Variants in MLLT6 observed in about 807,000 individuals in gnomAD.
MLLT6 encodes the protein MLLT6, PHD finger containing.
Under a neutral mutation model 103.0 loss-of-function variants are expected in MLLT6, and 22 were observed. The ratio of observed to expected loss-of-function variants is 0.21; its 90% confidence interval spans 0.15 to 0.31. The LOEUF (loss-of-function observed/expected upper bound fraction) is 0.31. Among genes scored for constraint, MLLT6 ranks in the 10% least tolerant of loss-of-function variants. The probability of loss-of-function intolerance (pLI) is 1.00; values close to 1 mark genes in which losing one functional copy is unlikely to be tolerated. For synonymous variants in MLLT6, 606 were observed against 623.5 expected (o/e 0.97, Z 0.42); for missense variants, 1,199 against 1,441.7 (o/e 0.83, Z 2.73).
At chr17:38,712,867 G>A in intron 8 of MLLT6, 78 bp downstream of exon 8, 2 of 1,053,166 alleles carry the variant, frequency 1.9e-6, no homozygotes, top group Admixed American at 3.5e-5. Context: ...CGAGAGGTTG[G>A]TGAGTCAGGG....
rs1373418940 is a variant in MLLT6 at position 38,716,319 on chromosome 17, G to C, written c.1037-48G>C. The C allele has an allele frequency of 1.9e-6, 3 of 1,569,506 alleles. No individual in the cohort carries two copies. Among genetic ancestry groups the C allele is most frequent in the African/African-American group, 1.4e-5 (1 of 72,320 alleles). ...CCAGTACACGCGGGAGTGGGAGGGA[G>C]TGCGGGGATCTGGGGTCCAGCTGTA... is the stretch of plus-strand genomic sequence containing the variant. On this transcript the variant is annotated intron_variant, in intron 9 of 19. Transcript: ENST00000621332. This position sits in a 1 kb window ranked among gnomAD's most constrained non-coding sequence, Gnocchi z 5.6.
chr17:38,717,836 C>T lies in MLLT6; in HGVS notation c.1834-9C>T, dbSNP rs936781873. 1.2e-6 allele frequency: 2 copies of T among 1,601,978 alleles called. No individual in the cohort carries two copies. Among genetic ancestry groups the T allele is most frequent in the Non-Finnish European group, 1.7e-6 (2 of 1,169,280 alleles). Reference sequence around the variant, plus strand: ...ATAACCGCCAGGGGATTCTACCTCCCTCCCTTAGGTGTTTTCTCTGGCTGG... The same window carrying T: ...ATAACCGCCAGGGGATTCTACCTCCTTCCCTTAGGTGTTTTCTCTGGCTGG... On this transcript the variant is annotated splice_polypyrimidine_tract_variant and intron_variant, in intron 11 of 19. Coordinates refer to ENST00000621332, the MANE Select transcript of MLLT6 (RefSeq NM_005937.4).
chr17:38,725,521 T>G, intron 19 of MLLT6, 36 bp from the exon 20 acceptor site: 1 of 1,602,874 alleles, frequency 6.2e-7, no homozygotes. Flanking sequence ...GACCTGACAC[T>G]TTCCACACCC....
chr17:38,725,234 G>A, intron 19 of MLLT6: 1 of 531,058 alleles, frequency 1.9e-6, no homozygotes, highest in Non-Finnish European at 3.3e-6. Context: ...GGACCAATTA[G>A]AAAAAGCCAT....
At position 38,728,416 on chromosome 17, in the gene MLLT6, G is replaced by C. The variant is rs758376995; in HGVS notation, c.*2818G>C. On this transcript the variant is annotated 3_prime_UTR_variant, in exon 20 of 20. Coordinates refer to ENST00000621332, the MANE Select transcript of MLLT6 (RefSeq NM_005937.4). ...AGGGGAAGGATGTGGTTTGCAGAGC[G>C]GAAGCAGAGTTTGGAAACGCATGAG... 1 of 233,294 alleles carries C rather than the reference G, an allele frequency of 4.3e-6. No homozygotes were observed. Among genetic ancestry groups the C allele is most frequent in the African/African-American group, 2.2e-5 (1 of 45,352 alleles). 14.5% of individuals were successfully genotyped at this position (233,294 alleles called of 1,614,324 possible).
chr17:38,725,483 T>G (rs932910741), intron 19 of MLLT6, 74 bp from the exon 20 acceptor site: 2 of 1,390,040 alleles, frequency 1.4e-6, no homozygotes, highest in East Asian at 4.8e-5. Flanking sequence ...TTTCTTGGCC[T>G]AGGAAGCTGT....
chr17:38,709,110 C>G lies in MLLT6; in HGVS notation c.355-63C>G. ...GAGCAAATGGAATGGAGGGGGTGGCCTAAGGACCATCAGTAGAACAGGGGC... is the reference window on the plus strand; with the variant it reads ...GAGCAAATGGAATGGAGGGGGTGGCGTAAGGACCATCAGTAGAACAGGGGC... On this transcript the variant is annotated intron_variant, in intron 4 of 19. Coordinates refer to ENST00000621332, the MANE Select transcript of MLLT6 (RefSeq NM_005937.4). The surrounding 1 kb of genome is among the most constrained non-coding windows in gnomAD (Gnocchi z 4.3). The G allele has an allele frequency of 2.4e-6, 3 of 1,272,182 alleles. No individual in the cohort carries two copies. The highest frequency in any genetic ancestry group is 3.4e-6 in the Non-Finnish European group (3 of 889,884). The allele number at this position is 1,272,182 out of a possible 1,614,324, so 78.8% of individuals were successfully genotyped here. A position where few individuals can be genotyped will look rare whatever the true frequency, so the allele number is the denominator to read the frequency against.
Position 38,716,662 on chromosome 17 carries a change from G to GC in MLLT6, c.1332_1333insC (p.Met445HisfsTer12), listed in dbSNP as rs1905359149. On this transcript the variant is annotated frameshift_variant, in exon 10 of 20. Coordinates refer to ENST00000621332, the MANE Select transcript of MLLT6 (RefSeq NM_005937.4). LOFTEE classifies it high-confidence loss of function. The surrounding 1 kb of genome is among the most constrained non-coding windows in gnomAD (Gnocchi z 5.6). The stretch of plus-strand genomic sequence containing the variant: ...GGGCCTCGGCAGGCACCCACAAACG[G>GC]ATGCCCGCACTGAGTGCCACCCCTG... 1 of 1,613,516 alleles carries GC rather than the reference G, an allele frequency of 6.2e-7. No homozygotes were observed. The highest frequency in any genetic ancestry group is 1.7e-5 in the Admixed American group (1 of 60,008).
At chr17:38,714,017 C>T (rs1003918102) in intron 8 of MLLT6, 5 of 152,238 alleles carry the variant, frequency 3.3e-5, no homozygotes, top group East Asian at 1.9e-4. Flanking sequence ...AGGAAAAGGG[C>T]CTTCCCTGGC....
At chr17:38,714,033 C>G (rs1905232992) in intron 8 of MLLT6, 1 of 152,282 alleles carries the variant, frequency 6.6e-6, no homozygotes, top group Admixed American at 6.5e-5. Context: ...CTGGCAGCAG[C>G]CTGAAGCACG....
rs1318131506 is a variant in MLLT6, at chr17:38,708,897, CAAAT to C, written c.355-264_355-261del. On this transcript the variant is annotated intron_variant, in intron 4 of 19. Transcript: ENST00000621332. ...TGGGCGACAGAGGGAGACTCCGTCT[CAAAT>C]AAATAAATAAAAATAAACAACAATT... Among the ~76,000 whole-genome samples, 13 of 152,150 alleles carry C rather than the reference CAAAT, an allele frequency of 8.5e-5. No individual in the cohort carries two copies. In the South Asian group the frequency reaches 1.7e-3, roughly 19 times the overall value.
In MLLT6 at chr17:38,716,862, C is replaced by T. The variant is rs777718472; in HGVS notation, c.1532C>T (p.Ala511Val). ...AQLAGFTATA[A>V]SPFSGGSLVS... ...CTGGCTGGCTTTACCGCCACTGCTGCCTCACCCTTCTCTGGAGGTTCCCTG... is the reference window on the plus strand; with the variant it reads ...CTGGCTGGCTTTACCGCCACTGCTGTCTCACCCTTCTCTGGAGGTTCCCTG... Residue 511 changes from alanine (A) to valine (V), a missense_variant, in exon 10 of 20, where the codon GCC (alanine) becomes GTC (valine). This residue lies in a region of MLLT6 where 1,034 missense variants were observed against 1,091.5 expected (regional missense o/e 0.95). Transcript: ENST00000621332. This position sits in a 1 kb window ranked among gnomAD's most constrained non-coding sequence, Gnocchi z 5.6. 1.2e-6 allele frequency: 2 copies of T among 1,613,574 alleles called. No homozygotes were observed. Among genetic ancestry groups the T allele is most frequent in the East Asian group, 4.5e-5 (2 of 44,860 alleles).
chr17:38,729,778 C>CA lies in MLLT6; in HGVS notation c.*4197dup, dbSNP rs879210230. 0.051 allele frequency: 6,041 copies of CA among 118,592 alleles called. 137 individuals are homozygous for CA. Among genetic ancestry groups the CA allele is most frequent in the African/African-American group, 0.11 (2,912 of 27,170 alleles). 7.3% of individuals were successfully genotyped at this position (118,592 alleles called of 1,614,324 possible). A position where few individuals can be genotyped will look rare whatever the true frequency, so the allele number is the denominator to read the frequency against. ...GTTCTTTTAATAAAAGAATGTTTTG[C>CA]AAAAAAAAAAAAAAAAATCCGAAGA... On this transcript the variant is annotated 3_prime_UTR_variant, in exon 20 of 20. Coordinates refer to ENST00000621332, the MANE Select transcript of MLLT6 (RefSeq NM_005937.4).
In MLLT6 at chr17:38,726,219, T is replaced by C. The variant is rs867594212; in HGVS notation, c.*621T>C. Reference sequence around the variant, plus strand: ...ACTCAGCCCCAGCCTCCTCAACCTCTTGGGGCCCCGTGATGGGGAGGAGAG... The same window carrying C: ...ACTCAGCCCCAGCCTCCTCAACCTCCTGGGGCCCCGTGATGGGGAGGAGAG... On this transcript the variant is annotated 3_prime_UTR_variant, in exon 20 of 20. Coordinates refer to ENST00000621332, the MANE Select transcript of MLLT6 (RefSeq NM_005937.4). 4 of 233,840 alleles carry C rather than the reference T, an allele frequency of 1.7e-5. No individual in the cohort carries two copies. Among genetic ancestry groups the C allele is most frequent in the African/African-American group, 6.6e-5 (3 of 45,336 alleles). The allele number at this position is 233,840 out of a possible 1,614,324, so 14.5% of individuals were successfully genotyped here.
At chr17:38,708,291 C>T (rs887463009) in intron 4 of MLLT6, 4 of 168,718 alleles carry the variant, frequency 2.4e-5, no homozygotes, top group Non-Finnish European at 3.8e-5. Flanking sequence ...AAAGTAAATG[C>T]AATTTGTGAT....
rs1038483711 is a variant in MLLT6 at position 38,726,653 on chromosome 17, C to G, written c.*1055C>G. ...GTATCCTGCCTTCCCTCCCCTGACC[C>G]CACATGGTCTCAGGGCCCCCTTAGG... On this transcript the variant is annotated 3_prime_UTR_variant, in exon 20 of 20. Coordinates refer to ENST00000621332, the MANE Select transcript of MLLT6 (RefSeq NM_005937.4). 1.7e-5 allele frequency: 4 copies of G among 233,650 alleles called. No individual in the cohort carries two copies. Among genetic ancestry groups the G allele is most frequent in the African/African-American group, 8.8e-5 (4 of 45,480 alleles). 14.5% of individuals were successfully genotyped at this position (233,650 alleles called of 1,614,324 possible).
At position 38,715,674 on chromosome 17, in the gene MLLT6, C is replaced by T. The variant is rs1299203793; in HGVS notation, c.882C>T (p.Ser294=). The change falls in exon 9 of 20, where the codon AGC becomes AGT. Residue 294 remains serine (S), a synonymous_variant. Transcript: ENST00000621332. ...CCAGCACGCAGGAGACCTCTGAGAG[C>T]AGCAGGGAGTCAAAGGGGAAAAAGT... ...HEASTQETSE[S]SRESKGKKSS... is the part of the protein sequence containing the mutation. 2 of 1,614,040 alleles carry T rather than the reference C, an allele frequency of 1.2e-6. No individual in the cohort carries two copies. The highest frequency in any genetic ancestry group is 2.2e-5 in the East Asian group (1 of 44,896).
chr17:38,721,866 C>T lies in MLLT6; in HGVS notation c.2443-12C>T. 6.5e-7 allele frequency: 1 copy of T among 1,544,648 alleles called. No homozygotes were observed. The highest frequency in any genetic ancestry group is 8.7e-7 in the Non-Finnish European group (1 of 1,149,180). ...TGGCCCTCTGACCCCTCCCTTCCCC[C>T]TCCCTCCCCAGGACCCACACTCAGG... On this transcript the variant is annotated splice_polypyrimidine_tract_variant and intron_variant, in intron 16 of 19. Transcript: ENST00000621332.
In MLLT6 at chr17:38,711,942, G is replaced by A; in HGVS notation, c.648G>A (p.Arg216=). The change falls in exon 7 of 20, where the codon AGG becomes AGA. Residue 216 remains arginine (R), a synonymous_variant. Transcript: ENST00000621332. ...GGGGSGFISG[R]RSRSASPSTQ... ...GTGGCAGTGGTTTCATCTCTGGGAG[G>A]AGAAGCCGGTCAGCCTCACCATCCA... 6.2e-7 allele frequency: 1 copy of A among 1,609,972 alleles called. No homozygotes were observed. Among genetic ancestry groups the A allele is most frequent in the East Asian group, 2.2e-5 (1 of 44,542 alleles).
Sources: allele counts gnomAD v4.1 joint callset (sites outside exome capture counted in the v4.1 genomes callset), GRCh38; gene constraint gnomAD v4.1.1; regional missense constraint gnomAD v4.1.1; non-coding constraint Gnocchi (gnomAD v3.1); transcripts MANE v1.5; gene names NCBI Gene and HGNC (gene_info 2026-07-23, HGNC 2026-07-21).